COL11A1: variants seen among roughly 807,000 people sequenced by gnomAD.
COL11A1 encodes collagen alpha-1(XI) chain.
In COL11A1, 74 loss-of-function variants were observed where a neutral mutation model predicts 265.2. The observed-to-expected ratio is 0.28, with a 90% CI of 0.23 to 0.34. The LOEUF is 0.34. Ranked by LOEUF, COL11A1 falls within the 10% of genes least tolerant of loss-of-function variation. The pLI, the probability that COL11A1 is intolerant of heterozygous loss-of-function variation, is 1.00. For synonymous variants in COL11A1, 816 were observed against 727.6 expected (o/e 1.12, Z -1.96); for missense variants, 2,165 against 2,263.6 (o/e 0.96, Z 0.88).
At chr1:103,104,168 G>T (rs1674512471) in intron 1 of COL11A1, among the ~76,000 whole-genome samples, 1 of 151,978 alleles carries the variant, frequency 6.6e-6, no homozygotes, top group Admixed American at 6.6e-5. Context: ...AATTCAGCTT[G>T]TATTACACAG....
At chr1:103,091,138 A>C (rs1205313137) in intron 1 of COL11A1, among the ~76,000 whole-genome samples, 1 of 152,106 alleles carries the variant, frequency 6.6e-6, no homozygotes, top group Admixed American at 6.5e-5. Context: ...CATTGCATAG[A>C]AATTGATATA....
chr1:102,978,070 A>AT (rs1662674042), intron 35 of COL11A1, among the ~76,000 whole-genome samples: 1 of 152,114 alleles, frequency 6.6e-6, no homozygotes, highest in Admixed American at 6.5e-5. Flanking sequence ...AATGATTCTA[A>AT]TTTTTTAAAG....
intron 31 of COL11A1, among the ~76,000 whole-genome samples, 164 bp downstream of exon 31, chr1:102,983,974 A>C (rs963303209): frequency 2.0e-5 from 3 of 152,008 alleles, no homozygotes; most frequent in African/African-American, 7.2e-5. Flanking sequence ...AAGCTCTTTG[A>C]GCTCCCTGCA....
intron 4 of COL11A1, among the ~76,000 whole-genome samples, chr1:103,049,298 A>G (rs1387261129): frequency 6.6e-6 from 1 of 152,162 alleles, no homozygotes; most frequent in Non-Finnish European, 1.5e-5. Flanking sequence ...TTGGGTGCAT[A>G]TATACTTAGG....
chr1:102,974,740 A>T (rs897753160), intron 36 of COL11A1, 90 bp downstream of exon 36: 1 of 940,258 alleles, frequency 1.1e-6, no homozygotes, highest in African/African-American at 1.7e-5. Flanking sequence ...TATCAATATT[A>T]TATCTAACAA....
At chr1:102,885,840 A>G (rs1409934720) in intron 63 of COL11A1, among the ~76,000 whole-genome samples, 3 of 152,184 alleles carry the variant, frequency 2.0e-5, no homozygotes, top group African/African-American at 7.2e-5. Context: ...TATTATAAAC[A>G]TGAAGATGTT....
At chr1:102,992,651 C>G (rs950323197) in intron 28 of COL11A1, among the ~76,000 whole-genome samples, 6 of 151,908 alleles carry the variant, frequency 3.9e-5, no homozygotes, top group Admixed American at 2.0e-4. Flanking sequence ...CAAAGTTTCT[C>G]TAAATCTATA....
At chr1:102,920,235 C>A in intron 49 of COL11A1, 76 bp downstream of exon 49, 1 of 1,266,284 alleles carries the variant, frequency 7.9e-7, no homozygotes, top group Non-Finnish European at 1.2e-6. Flanking sequence ...ATACTAGAAG[C>A]ACTTAAACTA....
chr1:102,966,404 T>G (rs1021481515), intron 37 of COL11A1, among the ~76,000 whole-genome samples: 12 of 152,204 alleles, frequency 7.9e-5, no homozygotes, highest in African/African-American at 2.7e-4. Flanking sequence ...CAGTCTCACG[T>G]TAGTATCACA....
chr1:102,958,108 A>C (rs563524625), intron 41 of COL11A1, among the ~76,000 whole-genome samples: 2 of 152,092 alleles, frequency 1.3e-5, no homozygotes, highest in Non-Finnish European at 2.9e-5. Context: ...CTAAAGGTAA[A>C]GTTAACATAA....
At chr1:102,881,654 T>C (rs1426313565) in intron 65 of COL11A1, 43 bp downstream of exon 65, 23 of 1,446,866 alleles carry the variant, frequency 1.6e-5, no homozygotes, top group Non-Finnish European at 2.0e-5. Flanking sequence ...ATGTCACTTC[T>C]TGAGTTCGTG....
At chr1:102,983,365 A>G (rs1663223646) in intron 31 of COL11A1, among the ~76,000 whole-genome samples, 1 of 152,096 alleles carries the variant, frequency 6.6e-6, no homozygotes, top group South Asian at 2.1e-4. Context: ...TGGAAAAGAA[A>G]AAAAAGTCTT....
intron 36 of COL11A1, among the ~76,000 whole-genome samples, chr1:102,973,325 G>A (rs1437889838): frequency 6.6e-6 from 1 of 152,074 alleles, no homozygotes; most frequent in Non-Finnish European, 1.5e-5. Flanking sequence ...CAAAATGCAT[G>A]CACGATCAAT....
intron 59 of COL11A1, 120 bp downstream of exon 59, chr1:102,889,335 A>G (rs1651428774): frequency 9.0e-6 from 7 of 779,886 alleles, no homozygotes; most frequent in Non-Finnish European, 2.3e-6. Flanking sequence ...ACTGACTTAA[A>G]TTAGAATTAA....
Position 102,962,723 on chromosome 1 carries a change from C to G in COL11A1, c.2954G>C (p.Gly985Ala). ...TGETGPIGERGHPGPPGPPGE... is the reference protein window; with the variant it reads ...TGETGPIGERAHPGPPGPPGE... ...AGGAGGGCCAGGAGGGCCAGGATGCCCACGTTCCCCTATTGGACCAGTCTC... is the reference window on the plus strand; with the variant it reads ...AGGAGGGCCAGGAGGGCCAGGATGCGCACGTTCCCCTATTGGACCAGTCTC... The change falls in exon 39 of 67, where the codon GGG becomes GCG. Residue 985 changes from glycine (G) to alanine (A), a missense_variant. Transcript: ENST00000370096. 6.2e-7 allele frequency: 1 copy of G among 1,614,112 alleles called. No individual in the cohort carries two copies. Among genetic ancestry groups the G allele is most frequent in the Non-Finnish European group, 8.5e-7 (1 of 1,179,994 alleles).
chr1:103,087,889 T>A (rs1281834820), intron 1 of COL11A1, among the ~76,000 whole-genome samples: 1 of 152,158 alleles, frequency 6.6e-6, no homozygotes, highest in Non-Finnish European at 1.5e-5. Context: ...TATGAAAATG[T>A]TGGTTGAATG....
chr1:102,958,891 G>A (rs1163902125), intron 41 of COL11A1, among the ~76,000 whole-genome samples: 2 of 152,116 alleles, frequency 1.3e-5, no homozygotes, highest in Non-Finnish European at 2.9e-5. Flanking sequence ...CTCTAGGCAT[G>A]GAAGGCGTCA....
chr1:102,914,611 G>T, intron 51 of COL11A1, 93 bp downstream of exon 51: 1 of 1,035,808 alleles, frequency 9.7e-7, no homozygotes, highest in Non-Finnish European at 1.5e-6. Context: ...TACCATCTAT[G>T]TTCCAGAGTC....
chr1:102,925,705 G>C (rs1656520878), intron 46 of COL11A1, among the ~76,000 whole-genome samples: 1 of 151,936 alleles, frequency 6.6e-6, no homozygotes, highest in Admixed American at 6.6e-5. Context: ...TTCTAAATCA[G>C]TCAATTTCAG....
Sources: allele counts gnomAD v4.1 joint callset (sites outside exome capture counted in the v4.1 genomes callset), GRCh38; gene constraint gnomAD v4.1.1; transcripts MANE v1.5; gene names NCBI Gene and HGNC (gene_info 2026-07-23, HGNC 2026-07-21).